AAGAB: variants seen among roughly 807,000 people sequenced by gnomAD.
AAGAB encodes alpha and gamma adaptin binding protein.
A neutral mutation model predicts 44.1 loss-of-function variants in AAGAB; 38 were observed. The ratio of observed to expected loss-of-function variants is 0.86; its 90% CI spans 0.67 to 1.13. The LOEUF (loss-of-function observed/expected upper bound fraction) is 1.13, where lower values mean the gene tolerates loss of function less well. AAGAB is among the 50% of genes most tolerant of loss of function. The probability of loss-of-function intolerance (pLI) is 0.00; values close to 1 mark genes in which losing one functional copy is unlikely to be tolerated. For missense variants in AAGAB, 450 were observed against 373.8 expected, an observed-to-expected ratio of 1.20 and a Z score of -1.68; for synonymous variants, 131 against 131.8, an observed-to-expected ratio of 0.99 and a Z score of 0.04.
chr15:67,249,894 T>G (rs1318618132), intron 1 of AAGAB, among the ~76,000 whole-genome samples: 1 of 152,218 alleles, frequency 6.6e-6, no homozygotes, highest in Non-Finnish European at 1.5e-5. Context: ...AAACTAAATG[T>G]GAAAACATGT....
At chr15:67,209,732 A>G (rs1352711623) in intron 5 of AAGAB, among the ~76,000 whole-genome samples, 188 bp from the exon 6 acceptor site, 2 of 152,194 alleles carry the variant, frequency 1.3e-5, no homozygotes, top group Non-Finnish European at 2.9e-5. Context: ...AGCTCAGTGC[A>G]ACCTTGAAGT....
chr15:67,205,444 T>A (rs148573691), intron 7 of AAGAB, among the ~76,000 whole-genome samples: 35 of 152,304 alleles, frequency 2.3e-4, no homozygotes, highest in Non-Finnish European at 3.8e-4. Flanking sequence ...ACAGAATCAC[T>A]CCATGCCTAA....
chr15:67,254,833 C>A, upstream of AAGAB: 4 of 1,544,094 alleles, frequency 2.6e-6, no homozygotes, highest in Admixed American at 7.1e-5. Context: ...CGAGCGGCTC[C>A]GGCTGAAGGT....
chr15:67,217,412 T>G (rs1479475263), intron 5 of AAGAB, among the ~76,000 whole-genome samples: 1 of 152,216 alleles, frequency 6.6e-6, no homozygotes, highest in Non-Finnish European at 1.5e-5. Flanking sequence ...TTCTGTAACA[T>G]TAGAGTCAAA....
intron 1 of AAGAB, among the ~76,000 whole-genome samples, chr15:67,250,158 C>T (rs1340354066): frequency 1.3e-5 from 2 of 152,040 alleles, no homozygotes; most frequent in African/African-American, 4.8e-5. Flanking sequence ...GTGGACCATA[C>T]ACTTTCTTTC....
At chr15:67,249,811 T>C (rs1964819587) in intron 1 of AAGAB, among the ~76,000 whole-genome samples, 1 of 152,220 alleles carries the variant, frequency 6.6e-6, no homozygotes, top group Non-Finnish European at 1.5e-5. Flanking sequence ...GGGCAAGTCA[T>C]TTAGTATTTC....
intron 5 of AAGAB, among the ~76,000 whole-genome samples, chr15:67,224,965 A>T (rs1170698282): frequency 1.3e-5 from 2 of 152,224 alleles, no homozygotes; most frequent in Non-Finnish European, 2.9e-5. Flanking sequence ...CAAAATGCTG[A>T]ATTTATTCCC....
intron 5 of AAGAB, chr15:67,221,095 T>G (rs1176697276): frequency 6.6e-6 from 1 of 152,194 alleles, no homozygotes; most frequent in Non-Finnish European, 1.5e-5. Flanking sequence ...CCACACTTAT[T>G]TATTATATTA....
intron 1 of AAGAB, among the ~76,000 whole-genome samples, chr15:67,246,412 A>G (rs1183882679): frequency 6.6e-6 from 1 of 151,924 alleles, no homozygotes; most frequent in Admixed American, 6.6e-5. Context: ...AAAAAAATGA[A>G]AAAACAGTTT....
At chr15:67,222,224 A>G (rs868426728) in intron 5 of AAGAB, among the ~76,000 whole-genome samples, 15 of 111,976 alleles carry the variant, frequency 1.3e-4, no homozygotes, top group East Asian at 5.9e-4. Flanking sequence ...ACATGCATGC[A>G]CGCGCACGCG....
At chr15:67,254,278 C>G (rs1596028785) in intron 1 of AAGAB, 1 of 683,842 alleles carries the variant, frequency 1.5e-6, no homozygotes, top group African/African-American at 1.8e-5. Context: ...TTCATCTCAA[C>G]GGATCCTCGC....
chr15:67,251,202 CTTATTT>C (rs1265759414), intron 1 of AAGAB, among the ~76,000 whole-genome samples: 6 of 151,224 alleles, frequency 4.0e-5, no homozygotes, highest in Non-Finnish European at 7.4e-5. Context: ...CCTACTGATT[CTTATTT>C]TAAGTGCGTG....
At chr15:67,217,777 C>A (rs748936689) in intron 5 of AAGAB, among the ~76,000 whole-genome samples, 15 of 152,228 alleles carry the variant, frequency 9.9e-5, no homozygotes, top group Admixed American at 6.5e-4. Context: ...ACCTCGTGAT[C>A]CACCCGCCTT....
Position 67,202,832 on chromosome 15 carries a change from C to G in AAGAB, c.937G>C (p.Glu313Gln). The change falls in exon 10 of 10, where the codon GAA (glutamate) becomes CAA (glutamine). Residue 313 changes from glutamate (E) to glutamine (Q), a missense_variant. Glu to Gln is a conservative substitution (Grantham distance 29). Transcript: ENST00000261880. ...RDEIEGLSSD[E>Q]EH ...CTAGTATGAATAATTCAGTGCTCTT[C>G]ATCAGATGAAAGGCCTTCAATTTCA... 1 of 1,613,994 alleles carries G rather than the reference C, an allele frequency of 6.2e-7. No homozygotes were observed. Among genetic ancestry groups the G allele is most frequent in the Non-Finnish European group, 8.5e-7 (1 of 1,179,884 alleles).
At chr15:67,231,781 G>C (rs758074129) in intron 5 of AAGAB, 33 bp downstream of exon 5, 1 of 1,517,874 alleles carries the variant, frequency 6.6e-7, no homozygotes. Flanking sequence ...AGGAACAAGA[G>C]GAAAAAAATG....
chr15:67,204,162 T>G lies in AAGAB; in HGVS notation c.716-14A>C. The G allele has an allele frequency of 6.5e-7, 1 of 1,534,716 alleles. No individual in the cohort carries two copies. The highest frequency in any genetic ancestry group is 9.0e-7 in the Non-Finnish European group (1 of 1,110,070). ...CTAACATGGGATCTGAAATAGGGATTTGTCACATTATCTGTCACGTTATTT... is the reference window on the plus strand; with the variant it reads ...CTAACATGGGATCTGAAATAGGGATGTGTCACATTATCTGTCACGTTATTT... On this transcript the variant is annotated splice_polypyrimidine_tract_variant and intron_variant, in intron 7 of 9. Transcript: ENST00000261880.
At chr15:67,209,376 A>G in intron 6 of AAGAB, 86 bp downstream of exon 6, 1 of 1,154,622 alleles carries the variant, frequency 8.7e-7, no homozygotes, top group Non-Finnish European at 1.3e-6. Context: ...AATGGAAAGG[A>G]AAACAATGGT....
chr15:67,236,899 T>A, intron 1 of AAGAB, 79 bp from the exon 2 acceptor site: 3 of 1,155,680 alleles, frequency 2.6e-6, no homozygotes, highest in Non-Finnish European at 3.6e-6. Context: ...AGATACCAGA[T>A]AAAGCTGGTA....
chr15:67,236,646 T>G lies in AAGAB; in HGVS notation c.248A>C (p.Tyr83Ser). ...AAGTCTTACTTGTGTGCTGTCAAAGTAAACCACAAATGCTTGGACAGATTC... is the reference window on the plus strand; with the variant it reads ...AAGTCTTACTTGTGTGCTGTCAAAGGAAACCACAAATGCTTGGACAGATTC... ...IAESVQAFVV[Y>S]FDSTQKSGLD... is the part of the protein sequence containing the mutation. The change falls in exon 2 of 10, where the codon TAC (tyrosine) becomes TCC (serine). Residue 83 changes from tyrosine to serine, a missense_variant. Physicochemically the swap from Tyr to Ser is moderately radical, Grantham distance 144. Transcript: ENST00000261880. 6.2e-7 allele frequency: 1 copy of G among 1,613,336 alleles called. No individual in the cohort carries two copies. Among genetic ancestry groups the G allele is most frequent in the Non-Finnish European group, 8.5e-7 (1 of 1,179,794 alleles).
Sources: gnomAD v4.1 joint callset for allele counts (sites outside exome capture counted in the v4.1 genomes callset) on GRCh38, gnomAD v4.1.1 for gene constraint, MANE v1.5 for transcripts, NCBI Gene and HGNC (gene_info 2026-07-23, HGNC 2026-07-21) for gene names.